The following RCBTB2 variants were observed in gnomAD, a reference collection of about 807,000 sequenced individuals.
RCBTB2 encodes the protein RCC1 and BTB domain-containing protein 2.
Under a neutral mutation model 65.4 loss-of-function variants are expected in RCBTB2, and 55 were observed. That is an observed-to-expected ratio of 0.84 (90% confidence interval 0.68 to 1.05). The LOEUF (loss-of-function observed/expected upper bound fraction) is 1.05, where lower values mean the gene tolerates loss of function less well. Ranked by LOEUF, RCBTB2 falls within the 50% of genes least tolerant of loss-of-function variation. The pLI, the probability that RCBTB2 is intolerant of heterozygous loss-of-function variation, is 0.00. For synonymous variants in RCBTB2, 220 were observed against 255.2 expected (o/e 0.86, Z 1.31); for missense variants, 599 against 680.1 (o/e 0.88, Z 1.33).
intron 6 of RCBTB2, among the ~76,000 whole-genome samples, chr13:48,513,763 T>C (rs548452310): frequency 2.6e-5 from 4 of 152,346 alleles, no homozygotes; most frequent in African/African-American, 7.2e-5. Context: ...TGTCTGATAA[T>C]TTTAATGCCT....
At chr13:48,518,698 G>T (rs9591167) in intron 4 of RCBTB2, among the ~76,000 whole-genome samples, 10,341 of 151,636 alleles carry the variant, frequency 0.068, 857 homozygotes, top group African/African-American at 0.19. Context: ...AGGAATCCAA[G>T]AATCTTTATT....
intron 2 of RCBTB2, among the ~76,000 whole-genome samples, chr13:48,524,288 T>C (rs1951586959): frequency 6.6e-6 from 1 of 152,220 alleles, no homozygotes; most frequent in African/African-American, 2.4e-5. Flanking sequence ...CAATTCACAA[T>C]ATACATACAG....
chr13:48,491,677 C>T (rs1949706784), intron 14 of RCBTB2: 1 of 152,116 alleles, frequency 6.6e-6, no homozygotes, highest in Non-Finnish European at 1.5e-5. Flanking sequence ...TAGAGTGTGT[C>T]TGGAGTTAGG....
intron 1 of RCBTB2, among the ~76,000 whole-genome samples, chr13:48,526,764 A>C (rs1239613972): frequency 6.6e-6 from 1 of 151,742 alleles, no homozygotes; most frequent in Non-Finnish European, 1.5e-5. Context: ...AAAAATACAA[A>C]AATTAGCCAG....
At chr13:48,533,296 C>A, upstream of RCBTB2, 1 of 309,368 alleles carries the variant, frequency 3.2e-6, no homozygotes. Context: ...TCGGAGTTGA[C>A]CCCCGGGAGT....
chr13:48,499,142 A>ACACACACACTCTCTCT (rs1366425462), intron 13 of RCBTB2, among the ~76,000 whole-genome samples: 16 of 132,380 alleles, frequency 1.2e-4, no homozygotes, highest in African/African-American at 4.7e-4. Context: ...ACACACACAC[A>ACACACACACTCTCTCT]CTCTCTCTCT....
At chr13:48,529,630 C>T (rs574717733) in intron 1 of RCBTB2, among the ~76,000 whole-genome samples, 3 of 152,278 alleles carry the variant, frequency 2.0e-5, no homozygotes, top group South Asian at 4.1e-4. Context: ...GAAACTTTCA[C>T]GTTGTTAGAA....
At chr13:48,503,208 T>C (rs570684955) in intron 10 of RCBTB2, among the ~76,000 whole-genome samples, 3 of 152,188 alleles carry the variant, frequency 2.0e-5, no homozygotes, top group Non-Finnish European at 4.4e-5. Context: ...CACCATCCTG[T>C]TTTGAAATTC....
chr13:48,489,890 T>C lies in RCBTB2; in HGVS notation c.*221A>G, dbSNP rs1480304059. 4 of 560,470 alleles carry C rather than the reference T, an allele frequency of 7.1e-6. No individual in the cohort carries two copies. The highest frequency in any genetic ancestry group is 1.2e-5 in the Non-Finnish European group (4 of 320,486). 34.7% of individuals were successfully genotyped at this position (560,470 alleles called of 1,614,324 possible). ...TGGTAAATAAGATATTTCAATTTTT[T>C]TTCCTTGACCTTAGTCACATCTGAT... is the stretch of plus-strand genomic sequence containing the variant. On this transcript the variant is annotated 3_prime_UTR_variant, in exon 15 of 15. Transcript: ENST00000344532.
chr13:48,529,800 CTT>C (rs143552627), intron 1 of RCBTB2, among the ~76,000 whole-genome samples: 4,132 of 152,246 alleles, frequency 0.027, 168 homozygotes, highest in African/African-American at 0.09. Flanking sequence ...CTCTTTTAGT[CTT>C]TAACAAGAGT....
At chr13:48,516,370 C>T (rs1207007430) in intron 4 of RCBTB2, among the ~76,000 whole-genome samples, 1 of 152,156 alleles carries the variant, frequency 6.6e-6, no homozygotes, top group Admixed American at 6.5e-5. Flanking sequence ...GGTGGCTTAA[C>T]CAACAGAAAT....
chr13:48,534,693 A>G (rs1055530971), upstream of RCBTB2, among the ~76,000 whole-genome samples: 6 of 152,264 alleles, frequency 3.9e-5, no homozygotes, highest in Non-Finnish European at 8.8e-5. Flanking sequence ...ATATGGGTCC[A>G]ACAGTTTTTC....
At chr13:48,526,607 ACT>A (rs1462569422) in intron 1 of RCBTB2, among the ~76,000 whole-genome samples, 5 of 152,070 alleles carry the variant, frequency 3.3e-5, no homozygotes, top group African/African-American at 1.2e-4. Context: ...ACAGAGCAAG[ACT>A]CTGTCTCTAA....
intron 13 of RCBTB2, 123 bp downstream of exon 13, chr13:48,499,498 A>C: frequency 7.0e-6 from 7 of 1,001,952 alleles, no homozygotes; most frequent in Non-Finnish European, 1.0e-5. Flanking sequence ...GTTTGGATTC[A>C]ACACACACAA....
rs554778780 is a variant in RCBTB2 at position 48,511,242 on chromosome 13, T to C, written c.784-471A>G. Among the ~76,000 whole-genome samples the C allele has an allele frequency of 2.5e-4, 38 of 152,360 alleles. No homozygotes were observed. In the South Asian group the frequency reaches 6.4e-3, roughly 26 times the overall value. On this transcript the variant is annotated intron_variant, in intron 9 of 14. Coordinates refer to ENST00000344532, the MANE Select transcript of RCBTB2 (RefSeq NM_001268.4). ...CATGTTGTATAAGCAGTTCTGTATC[T>C]TGCTTCATTTTACCATTACACATAG...
At chr13:48,533,126 A>G (rs1215682052), upstream of RCBTB2, 1 of 424,042 alleles carries the variant, frequency 2.4e-6, no homozygotes, top group Non-Finnish European at 4.8e-6. Context: ...CTCCCCCTGA[A>G]ACGGCCCGGC....
At chr13:48,524,056 T>C (rs1311203559) in intron 2 of RCBTB2, among the ~76,000 whole-genome samples, 6 of 152,158 alleles carry the variant, frequency 3.9e-5, no homozygotes, top group African/African-American at 1.4e-4. Flanking sequence ...TAATTACTAT[T>C]GTATAATACT....
intron 1 of RCBTB2, among the ~76,000 whole-genome samples, chr13:48,531,604 C>T (rs1314160095): frequency 1.3e-5 from 2 of 152,162 alleles, no homozygotes; most frequent in Non-Finnish European, 2.9e-5. Flanking sequence ...GTCCGCTTGG[C>T]GAGCCCAGCA....
At chr13:48,497,304 G>A (rs1207784094) in intron 13 of RCBTB2, among the ~76,000 whole-genome samples, 2 of 152,022 alleles carry the variant, frequency 1.3e-5, no homozygotes, top group Non-Finnish European at 2.9e-5. Flanking sequence ...CCCAGCCCCA[G>A]GGTTTTAAAT....
Sources: allele counts gnomAD v4.1 joint callset (sites outside exome capture counted in the v4.1 genomes callset), GRCh38; gene constraint gnomAD v4.1.1; transcripts MANE v1.5; gene names NCBI Gene and HGNC (gene_info 2026-07-23, HGNC 2026-07-21).